The following LRRTM4 variants were observed in gnomAD, a reference collection of about 807,000 sequenced individuals.
LRRTM4 encodes the protein leucine-rich repeat transmembrane neuronal protein 4.
In LRRTM4, 25 loss-of-function variants were observed where a neutral mutation model predicts 47.6. The observed-to-expected ratio is 0.53, with a 90% CI of 0.38 to 0.73. LRRTM4 has a LOEUF of 0.73. Among genes scored for constraint, LRRTM4 ranks in the 30% least tolerant of loss-of-function variants. The pLI is 0.00. For synonymous variants in LRRTM4, 311 were observed against 269.5 expected (o/e 1.15, Z -1.51); for missense variants, 638 against 713.4 (o/e 0.89, Z 1.20).
chr2:76,825,166 G>A, intron 3 of LRRTM4, among the ~76,000 whole-genome samples: 1 of 151,490 alleles, frequency 6.6e-6, no homozygotes, highest in Non-Finnish European at 1.5e-5. Context: ...TAGAATGGAA[G>A]GAAATAAAGA....
At chr2:77,467,323 G>A (rs1046682619) in intron 3 of LRRTM4, among the ~76,000 whole-genome samples, 6 of 151,938 alleles carry the variant, frequency 3.9e-5, no homozygotes, top group East Asian at 1.9e-4. Context: ...CCCCATCCAC[G>A]GACAGTTCCA....
chr2:77,255,478 A>G (rs1195769786), intron 3 of LRRTM4, among the ~76,000 whole-genome samples: 1 of 152,038 alleles, frequency 6.6e-6, no homozygotes, highest in African/African-American at 2.4e-5. Context: ...TATTATTTTC[A>G]TATGTTGACA....
intron 3 of LRRTM4, among the ~76,000 whole-genome samples, chr2:77,125,642 T>C (rs1415209886): frequency 1.3e-5 from 2 of 152,096 alleles, no homozygotes; most frequent in African/African-American, 4.8e-5. Flanking sequence ...GTCTCCACAA[T>C]TAAAACCAAA....
At chr2:76,767,367 G>C (rs1201692708) in intron 3 of LRRTM4, among the ~76,000 whole-genome samples, 1 of 152,078 alleles carries the variant, frequency 6.6e-6, no homozygotes, top group African/African-American at 2.4e-5. Flanking sequence ...TGCTTTATGT[G>C]AATTGAAAAC....
chr2:76,981,554 G>A (rs1164638205), intron 3 of LRRTM4, among the ~76,000 whole-genome samples: 1 of 152,030 alleles, frequency 6.6e-6, no homozygotes, highest in African/African-American at 2.4e-5. Flanking sequence ...AAGTGCAGTG[G>A]TGCCATCATA....
At chr2:77,444,958 C>CAA (rs1338731804) in intron 3 of LRRTM4, among the ~76,000 whole-genome samples, 17 of 143,836 alleles carry the variant, frequency 1.2e-4, no homozygotes, top group African/African-American at 4.5e-4. Flanking sequence ...CATACACACA[C>CAA]ACACACACAC....
At chr2:76,832,390 T>G (rs1390136469) in intron 3 of LRRTM4, among the ~76,000 whole-genome samples, 1 of 151,060 alleles carries the variant, frequency 6.6e-6, no homozygotes, top group Non-Finnish European at 1.5e-5. Context: ...CCAAGTGAAC[T>G]GCACATGCTG....
chr2:76,843,289 A>G (rs1254619013), intron 3 of LRRTM4, among the ~76,000 whole-genome samples: 1 of 152,178 alleles, frequency 6.6e-6, no homozygotes, highest in South Asian at 2.1e-4. Flanking sequence ...TTGAGCCTAA[A>G]AACTGAGGGC....
At chr2:77,274,799 A>G (rs1676297220) in intron 3 of LRRTM4, among the ~76,000 whole-genome samples, 1 of 152,152 alleles carries the variant, frequency 6.6e-6, no homozygotes, top group Non-Finnish European at 1.5e-5. Flanking sequence ...TTAACAAATA[A>G]TAACTTTCAT....
chr2:76,877,801 G>C (rs1004495201), intron 3 of LRRTM4, among the ~76,000 whole-genome samples: 2 of 152,064 alleles, frequency 1.3e-5, no homozygotes, highest in Non-Finnish European at 2.9e-5. Flanking sequence ...AAGCTACAGG[G>C]ATGAAAAAGT....
chr2:76,990,646 A>G (rs12233136), intron 3 of LRRTM4, among the ~76,000 whole-genome samples: 7,908 of 151,900 alleles, frequency 0.052, 451 homozygotes, highest in East Asian at 0.17. Flanking sequence ...ACAGATTCAT[A>G]AAACAAATAG....
At position 77,433,255 on chromosome 2, in the gene LRRTM4, A is replaced by G. The variant is rs185175878; in HGVS notation, c.1551+85063T>C. Among the ~76,000 whole-genome samples the G allele has an allele frequency of 9.9e-3, 1,513 of 152,310 alleles. 26 individuals are homozygous for G. Among genetic ancestry groups the G allele is most frequent in the African/African-American group, 0.035 (1,452 of 41,566 alleles). ...TGCTGCCCTGAAGAAGAACTTGAGC[A>G]GAACTGCCCATTTATTTCCTTAAAA... is the stretch of plus-strand genomic sequence containing the variant. On this transcript the variant is annotated intron_variant, in intron 3 of 3. Transcript: ENST00000409884.
At chr2:77,043,441 A>T (rs1430616456) in intron 3 of LRRTM4, among the ~76,000 whole-genome samples, 1 of 151,812 alleles carries the variant, frequency 6.6e-6, no homozygotes, top group Non-Finnish European at 1.5e-5. Context: ...AGCACTTCTG[A>T]GAAATTTCTG....
intron 3 of LRRTM4, among the ~76,000 whole-genome samples, chr2:77,350,296 G>A (rs1253000872): frequency 1.7e-5 from 2 of 114,872 alleles, no homozygotes; most frequent in Non-Finnish European, 3.3e-5. Flanking sequence ...ACTGCAGTCC[G>A]CAGTCCGGCC....
chr2:77,366,018 T>C (rs1426706151), intron 3 of LRRTM4, among the ~76,000 whole-genome samples: 1 of 151,280 alleles, frequency 6.6e-6, no homozygotes, highest in African/African-American at 2.4e-5. Context: ...TTGATAGATA[T>C]AAGGGAAATA....
chr2:77,322,018 G>A (rs1395137690), intron 3 of LRRTM4, among the ~76,000 whole-genome samples: 1 of 152,072 alleles, frequency 6.6e-6, no homozygotes, highest in African/African-American at 2.4e-5. Flanking sequence ...AGGGTAAAAG[G>A]TTTTTACTTT....
chr2:76,758,225 A>G (rs566126316), intron 3 of LRRTM4, among the ~76,000 whole-genome samples: 4 of 152,272 alleles, frequency 2.6e-5, no homozygotes, highest in African/African-American at 9.6e-5. Context: ...AATGCCTCCA[A>G]TCTGACAGTA....
intron 3 of LRRTM4, among the ~76,000 whole-genome samples, chr2:76,892,897 T>C (rs191861677): frequency 1.3e-5 from 2 of 151,314 alleles, no homozygotes; most frequent in African/African-American, 2.4e-5. Context: ...GTAAGAAACA[T>C]TGAAACTGCA....
intron 3 of LRRTM4, among the ~76,000 whole-genome samples, chr2:77,399,174 T>A (rs1206264870): frequency 6.6e-6 from 1 of 151,100 alleles, no homozygotes; most frequent in Non-Finnish European, 1.5e-5. Flanking sequence ...GGGCTTTTTT[T>A]TTTTTTAATT....
Sources: allele counts gnomAD v4.1 joint callset (sites outside exome capture counted in the v4.1 genomes callset), GRCh38; gene constraint gnomAD v4.1.1; transcripts MANE v1.5; gene names NCBI Gene and HGNC (gene_info 2026-07-23, HGNC 2026-07-21).